METAP1D: variants seen among roughly 807,000 people sequenced by gnomAD.
The protein encoded by METAP1D is methionyl aminopeptidase type 1D, mitochondrial, also known as methionine aminopeptidase 1D, mitochondrial.
In METAP1D, 31 loss-of-function variants were observed where a neutral mutation model predicts 40.5. The ratio of observed to expected loss-of-function variants is 0.77; its 90% CI spans 0.58 to 1.03. The LOEUF (loss-of-function observed/expected upper bound fraction) is 1.03, where lower values mean the gene tolerates loss of function less well. Ranked by LOEUF, METAP1D falls within the 50% of genes least tolerant of loss-of-function variation. The probability of loss-of-function intolerance (pLI) is 0.00; values close to 1 mark genes in which losing one functional copy is unlikely to be tolerated. For missense variants in METAP1D, 411 were observed against 420.7 expected (o/e 0.98, Z 0.20); for synonymous variants, 151 against 146.4 (o/e 1.03, Z -0.22).
intron 1 of METAP1D, among the ~76,000 whole-genome samples, chr2:172,023,316 A>G (rs186414020): frequency 1.2e-4 from 19 of 152,352 alleles, no homozygotes; most frequent in African/African-American, 4.6e-4. Context: ...CTGTTCAGTG[A>G]CTGAACTTTC....
chr2:172,065,695 T>C lies in METAP1D; in HGVS notation c.440T>C (p.Phe147Ser). ...AYPSPLGYGGFPKSVCTSVNN... is the reference protein window; with the variant it reads ...AYPSPLGYGGSPKSVCTSVNN... Reference sequence around the variant, plus strand: ...CCCTCACCTCTAGGCTATGGAGGTTTTCCAAAATCTGTTTGTACCTCTGTA... The same window carrying C: ...CCCTCACCTCTAGGCTATGGAGGTTCTCCAAAATCTGTTTGTACCTCTGTA... The change falls in exon 4 of 10, where the codon TTT becomes TCT. Residue 147 changes from phenylalanine (F) to serine (S), a missense_variant. Physicochemically the swap from Phe to Ser is radical, Grantham distance 155 (BLOSUM62 -2). Coordinates refer to ENST00000315796, the MANE Select transcript of METAP1D (RefSeq NM_199227.3). The C allele has an allele frequency of 6.2e-7, 1 of 1,614,028 alleles. No individual in the cohort carries two copies. Among genetic ancestry groups the C allele is most frequent in the Non-Finnish European group, 8.5e-7 (1 of 1,179,934 alleles).
intron 6 of METAP1D, 50 bp downstream of exon 6, chr2:172,071,120 G>T: frequency 1.4e-6 from 2 of 1,458,210 alleles, no homozygotes; most frequent in Non-Finnish European, 9.1e-7. Context: ...TGGTACAAAG[G>T]TTATTGGTGG....
chr2:172,071,372 C>T (rs1450455467), intron 6 of METAP1D, among the ~76,000 whole-genome samples: 2 of 152,062 alleles, frequency 1.3e-5, no homozygotes, highest in Non-Finnish European at 2.9e-5. Context: ...AAAATCACAC[C>T]AAATATGGAA....
chr2:172,069,233 A>G (rs1420350761), intron 5 of METAP1D, among the ~76,000 whole-genome samples: 2 of 152,224 alleles, frequency 1.3e-5, no homozygotes, highest in Non-Finnish European at 2.9e-5. Flanking sequence ...TTTCAAAGCT[A>G]GGAAAAAGTA....
intron 1 of METAP1D, among the ~76,000 whole-genome samples, chr2:172,019,337 G>C (rs1021929805): frequency 6.6e-6 from 1 of 152,114 alleles, no homozygotes; most frequent in Non-Finnish European, 1.5e-5. Context: ...AGACTACACA[G>C]AGAAGAAATT....
intron 7 of METAP1D, among the ~76,000 whole-genome samples, chr2:172,078,459 G>A (rs1195479305): frequency 1.3e-5 from 2 of 152,180 alleles, no homozygotes; most frequent in African/African-American, 2.4e-5. Flanking sequence ...GGCCCAGAGG[G>A]GTGGGAGGAT....
In METAP1D at chr2:172,042,342, T is replaced by C. The variant is rs1323848832; in HGVS notation, c.41-19156T>C. Among the ~76,000 whole-genome samples, 5 of 22,758 alleles carry C rather than the reference T, an allele frequency of 2.2e-4. 1 individual carries two copies. Among genetic ancestry groups the C allele is most frequent in the South Asian group, 1.0e-3 (1 of 956 alleles). 14.9% of individuals were successfully genotyped at this position (22,758 alleles called of 152,430 possible). On this transcript the variant is annotated intron_variant, in intron 1 of 9. Coordinates refer to ENST00000315796, the MANE Select transcript of METAP1D (RefSeq NM_199227.3). Reference sequence around the variant, plus strand: ...ACATATGTATGTGTACATGTGTACATATATACATATATACATATGTATGTG... The same window carrying C: ...ACATATGTATGTGTACATGTGTACACATATACATATATACATATGTATGTG...
intron 1 of METAP1D, among the ~76,000 whole-genome samples, chr2:172,041,009 G>T (rs1396290737): frequency 6.6e-6 from 1 of 150,904 alleles, no homozygotes; most frequent in African/African-American, 2.4e-5. Flanking sequence ...CTTGTGATCC[G>T]CCCGCCTCGG....
At chr2:172,059,104 TTTCTTTC>T (rs1472246029) in intron 1 of METAP1D, among the ~76,000 whole-genome samples, 4 of 150,392 alleles carry the variant, frequency 2.7e-5, no homozygotes, top group Admixed American at 6.6e-5. Context: ...TTTTTCTTTC[TTTCTTTC>T]TTTTTTTTTT....
chr2:172,059,990 G>A (rs1559015886), intron 1 of METAP1D, among the ~76,000 whole-genome samples: 1 of 152,156 alleles, frequency 6.6e-6, no homozygotes, highest in Non-Finnish European at 1.5e-5. Context: ...GGCGGAGGTT[G>A]CAGTGAGCCA....
chr2:172,016,300 A>AAAAAAATATATATATATATAT (rs1553490378), intron 1 of METAP1D, among the ~76,000 whole-genome samples: 1 of 40,034 alleles, frequency 2.5e-5, no homozygotes, highest in African/African-American at 8.6e-5. Context: ...AAAAAAAAAA[A>AAAAAAATATATATATATATAT]ATATATATAT....
Position 172,080,426 on chromosome 2 carries a change from G to T in METAP1D, c.*20G>T. ...GCCTGAGGAGCCGCCCGAAGGTCGC[G>T]GTGACCTGGTGCCTTTTTAAATAAA... On this transcript the variant is annotated 3_prime_UTR_variant, in exon 10 of 10. Coordinates refer to ENST00000315796, the MANE Select transcript of METAP1D (RefSeq NM_199227.3). 1 of 1,611,622 alleles carries T rather than the reference G, an allele frequency of 6.2e-7. No homozygotes were observed. Among genetic ancestry groups the T allele is most frequent in the African/African-American group, 1.3e-5 (1 of 75,000 alleles).
At chr2:172,032,858 G>C (rs7591150) in intron 1 of METAP1D, among the ~76,000 whole-genome samples, 79,345 of 151,954 alleles carry the variant, frequency 0.52, 21,685 homozygotes, top group East Asian at 0.64. Context: ...GTCAGGCGAT[G>C]GAGACCATCC....
chr2:172,046,824 A>G (rs184388830), intron 1 of METAP1D, among the ~76,000 whole-genome samples: 3 of 152,372 alleles, frequency 2.0e-5, no homozygotes, highest in East Asian at 1.9e-4. Context: ...AACTATTTCA[A>G]TCAATGATCT....
chr2:172,067,422 C>G (rs1164241077), intron 5 of METAP1D, among the ~76,000 whole-genome samples: 1 of 152,178 alleles, frequency 6.6e-6, no homozygotes, highest in Non-Finnish European at 1.5e-5. Flanking sequence ...ACGATTCTTT[C>G]ATTGCTGATG....
chr2:172,069,229 A>G (rs1034026632), intron 5 of METAP1D, among the ~76,000 whole-genome samples: 11 of 152,260 alleles, frequency 7.2e-5, no homozygotes, highest in African/African-American at 2.4e-4. Flanking sequence ...TCATTTTCAA[A>G]GCTAGGAAAA....
chr2:172,046,268 C>CT (rs576814858), intron 1 of METAP1D, among the ~76,000 whole-genome samples: 35 of 150,460 alleles, frequency 2.3e-4, no homozygotes, highest in African/African-American at 8.1e-4. Context: ...TTTTCAAGGA[C>CT]TTTTTTTTTC....
intron 1 of METAP1D, among the ~76,000 whole-genome samples, chr2:172,023,467 TA>T (rs1689051693): frequency 6.6e-6 from 1 of 152,202 alleles, no homozygotes. Context: ...TTTTTATAAG[TA>T]CTGGGTGAGG....
intron 1 of METAP1D, among the ~76,000 whole-genome samples, chr2:172,050,762 A>T (rs2105457823): frequency 6.6e-6 from 1 of 152,308 alleles, no homozygotes; most frequent in Middle Eastern, 3.4e-3. Flanking sequence ...TACTCTGATG[A>T]GAGCTTGTCT....
Sources: allele counts gnomAD v4.1 joint callset (sites outside exome capture counted in the v4.1 genomes callset), GRCh38; gene constraint gnomAD v4.1.1; transcripts MANE v1.5; gene names NCBI Gene and HGNC (gene_info 2026-07-23, HGNC 2026-07-21).